MCTP1: variants seen among roughly 807,000 people sequenced by gnomAD.
MCTP1 encodes the protein multiple C2 and transmembrane domain containing 1.
A neutral mutation model predicts 120.6 loss-of-function variants in MCTP1; 69 were observed. That is an observed-to-expected ratio of 0.57 (90% confidence interval 0.47 to 0.70). MCTP1 has a LOEUF of 0.70. Ranked by LOEUF, MCTP1 falls within the 30% of genes least tolerant of loss-of-function variation. The pLI, the probability that MCTP1 is intolerant of heterozygous loss-of-function variation, is 0.00. For missense variants in MCTP1, 1,203 were observed against 1,248.8 expected (o/e 0.96, Z 0.55); for synonymous variants, 529 against 493.1 (o/e 1.07, Z -0.96).
At chr5:94,883,235 A>C (rs986469983) in intron 12 of MCTP1, among the ~76,000 whole-genome samples, 3 of 152,198 alleles carry the variant, frequency 2.0e-5, no homozygotes, top group African/African-American at 7.2e-5. Context: ...AACCAGGTAT[A>C]TTACCGTGAT....
At chr5:95,009,685 T>C (rs961567377) in intron 2 of MCTP1, among the ~76,000 whole-genome samples, 1 of 152,246 alleles carries the variant, frequency 6.6e-6, no homozygotes, top group Admixed American at 6.5e-5. Context: ...ACTTTCCAAT[T>C]GCAGCAGGGA....
intron 17 of MCTP1, among the ~76,000 whole-genome samples, chr5:94,835,972 C>T (rs1313614457): frequency 6.6e-6 from 1 of 151,954 alleles, no homozygotes; most frequent in Non-Finnish European, 1.5e-5. Flanking sequence ...CCACTGCACT[C>T]CAGCCTGGGC....
At chr5:94,882,514 C>A (rs1367810336) in intron 12 of MCTP1, among the ~76,000 whole-genome samples, 6 of 148,724 alleles carry the variant, frequency 4.0e-5, no homozygotes, top group African/African-American at 1.5e-4. Context: ...CACTTATTTG[C>A]ACAATTATGT....
At chr5:94,780,779 A>G (rs897169487) in intron 18 of MCTP1, among the ~76,000 whole-genome samples, 5 of 152,148 alleles carry the variant, frequency 3.3e-5, no homozygotes, top group Admixed American at 2.0e-4. Flanking sequence ...GTGGGAATAC[A>G]CAGATAACCC....
intron 1 of MCTP1, among the ~76,000 whole-genome samples, chr5:95,205,517 G>A (rs530299199): frequency 2.5e-4 from 38 of 152,210 alleles, no homozygotes; most frequent in African/African-American, 7.7e-4. Flanking sequence ...AATAATTTGC[G>A]TTTCAAAGGA....
chr5:94,954,488 A>G (rs1056482421), intron 2 of MCTP1, among the ~76,000 whole-genome samples: 1 of 152,008 alleles, frequency 6.6e-6, no homozygotes, highest in Non-Finnish European at 1.5e-5. Flanking sequence ...GTATTCTAAA[A>G]GCCCAGACTT....
intron 1 of MCTP1, among the ~76,000 whole-genome samples, chr5:95,024,925 A>G (rs1838954279): frequency 6.6e-6 from 1 of 152,220 alleles, no homozygotes; most frequent in African/African-American, 2.4e-5. Flanking sequence ...AAGATGACAC[A>G]CAAGAAAGGA....
At chr5:95,184,165 T>TA (rs1748937147) in intron 1 of MCTP1, among the ~76,000 whole-genome samples, 1 of 151,706 alleles carries the variant, frequency 6.6e-6, no homozygotes, top group East Asian at 1.9e-4. Context: ...ATAATAATAA[T>TA]AAAAAAAGGA....
chr5:95,077,311 A>T (rs1387798993), intron 1 of MCTP1, among the ~76,000 whole-genome samples: 3 of 152,084 alleles, frequency 2.0e-5, no homozygotes, highest in African/African-American at 7.2e-5. Flanking sequence ...AACAATTCTC[A>T]TTAATTTAGG....
At chr5:95,152,090 T>C (rs1159415826) in intron 1 of MCTP1, among the ~76,000 whole-genome samples, 1 of 152,198 alleles carries the variant, frequency 6.6e-6, no homozygotes, top group Non-Finnish European at 1.5e-5. Flanking sequence ...GTGTTTAAAA[T>C]CTAAAGTCAT....
At chr5:95,182,167 C>A (rs2152516416) in intron 1 of MCTP1, among the ~76,000 whole-genome samples, 1 of 152,302 alleles carries the variant, frequency 6.6e-6, no homozygotes, top group Middle Eastern at 3.4e-3. Flanking sequence ...GCTATCAACA[C>A]ACATGAGGAA....
At chr5:95,276,250 G>GGTT (rs1759815673) in intron 1 of MCTP1, among the ~76,000 whole-genome samples, 1 of 69,068 alleles carries the variant, frequency 1.4e-5, no homozygotes, top group East Asian at 6.2e-4. Context: ...TCAATATTGG[G>GGTT]ATTTTTTTTT....
chr5:95,279,753 C>T (rs984621328), intron 1 of MCTP1, among the ~76,000 whole-genome samples: 1 of 152,210 alleles, frequency 6.6e-6, no homozygotes, highest in African/African-American at 2.4e-5. Context: ...ATGTCATCCT[C>T]TTTACTCCCT....
At chr5:95,177,181 G>C (rs1748094510) in intron 1 of MCTP1, among the ~76,000 whole-genome samples, 1 of 151,476 alleles carries the variant, frequency 6.6e-6, no homozygotes. Flanking sequence ...ATATTTACAT[G>C]TACCCACATA....
intron 17 of MCTP1, among the ~76,000 whole-genome samples, chr5:94,823,978 T>A (rs763925132): frequency 2.7e-4 from 41 of 152,238 alleles, no homozygotes; most frequent in Non-Finnish European, 5.0e-4. Flanking sequence ...TATACAATCA[T>A]GTCATCTGCA....
At chr5:94,854,368 G>C (rs994427947) in intron 17 of MCTP1, among the ~76,000 whole-genome samples, 1 of 151,856 alleles carries the variant, frequency 6.6e-6, no homozygotes, top group Non-Finnish European at 1.5e-5. Flanking sequence ...CTGACAAGAA[G>C]TGAAAATGAG....
chr5:95,283,763 C>T, intron 1 of MCTP1, 93 bp downstream of exon 1: 3 of 1,053,370 alleles, frequency 2.8e-6, no homozygotes, highest in Middle Eastern at 3.4e-4. Flanking sequence ...TCCCGCCTCC[C>T]GGCCCCCGCC....
At chr5:94,866,689 A>G (rs1395081736) in intron 17 of MCTP1, among the ~76,000 whole-genome samples, 1 of 151,636 alleles carries the variant, frequency 6.6e-6, no homozygotes, top group Non-Finnish European at 1.5e-5. Context: ...TTACAGTCAA[A>G]TCACTCAAGT....
chr5:95,095,388 A>AT (rs1465466823), intron 1 of MCTP1, among the ~76,000 whole-genome samples: 1 of 152,150 alleles, frequency 6.6e-6, no homozygotes, highest in Non-Finnish European at 1.5e-5. Flanking sequence ...AACAGAGGGC[A>AT]TTTTTTATGG....
Sources: allele counts gnomAD v4.1 joint callset (sites outside exome capture counted in the v4.1 genomes callset), GRCh38; gene constraint gnomAD v4.1.1; transcripts MANE v1.5; gene names NCBI Gene and HGNC (gene_info 2026-07-23, HGNC 2026-07-21).